ZGRF1: variants seen among roughly 807,000 people sequenced by gnomAD.
The protein encoded by ZGRF1 is zinc finger GRF-type containing 1.
A neutral mutation model predicts 203.5 loss-of-function variants in ZGRF1; 196 were observed. The observed-to-expected ratio is 0.96, with a 90% CI of 0.86 to 1.08. ZGRF1 has a LOEUF of 1.08. ZGRF1 is among the 50% of genes least tolerant of loss of function. ZGRF1 has a pLI of 0.00. For synonymous variants in ZGRF1, 809 were observed against 841.3 expected (o/e 0.96, Z 0.66); for missense variants, 2,326 against 2,416.3 (o/e 0.96, Z 0.78).
rs886330239 is a variant in ZGRF1, at chr4:112,589,776, C to T, written c.3075G>A (p.Thr1025=). The T allele has an allele frequency of 8.7e-6, 14 of 1,613,528 alleles. No homozygotes were observed. The highest frequency in any genetic ancestry group is 4.4e-5 in the South Asian group (4 of 91,056). The change falls in exon 11 of 28, where the codon ACG becomes ACA. Residue 1025 remains threonine (T), a synonymous_variant. Coordinates refer to ENST00000505019, the MANE Select transcript of ZGRF1 (RefSeq NM_018392.5). ...DEDFMVEFSE[T]SLKARTLPDD... ...CAGGTAAAGTTCTTGCTTTCAGGGA[C>T]GTCTCAGAGAATTCTACCATGAAGT...
At position 112,586,488 on chromosome 4, in the gene ZGRF1, C is replaced by T; in HGVS notation, c.3873G>A (p.Gln1291=). 1 of 1,612,778 alleles carries T rather than the reference C, an allele frequency of 6.2e-7. No individual in the cohort carries two copies. The highest frequency in any genetic ancestry group is 1.3e-5 in the African/African-American group (1 of 74,980). The change falls in exon 13 of 28, where the codon CAG becomes CAA. Residue 1291 remains glutamine, a synonymous_variant. Transcript: ENST00000505019. ...AAGTCTGCTTATAATGAGCAGGAGA[C>T]TGAAAAACAGCTGGTATGTGAATTT... ...QRQIHIPAVF[Q]SPAHYKQTFT... is the part of the protein sequence containing the mutation.
chr4:112,593,126 G>C (rs1341314061), intron 10 of ZGRF1, among the ~76,000 whole-genome samples: 1 of 152,162 alleles, frequency 6.6e-6, no homozygotes, highest in Non-Finnish European at 1.5e-5. Flanking sequence ...AAGCCATCTA[G>C]CCTGTGGTAT....
intron 2 of ZGRF1, 62 bp downstream of exon 2, chr4:112,633,094 C>T (rs2047465777): frequency 1.4e-6 from 2 of 1,468,026 alleles, no homozygotes; most frequent in Admixed American, 1.8e-5. Context: ...TGTGAAACGC[C>T]TTTAAAAGAA....
intron 24 of ZGRF1, among the ~76,000 whole-genome samples, chr4:112,545,497 T>C (rs1738561016): frequency 6.6e-6 from 1 of 152,228 alleles, no homozygotes; most frequent in Non-Finnish European, 1.5e-5. Context: ...TTGGTGAGAA[T>C]GTGGAGAAAT....
intron 8 of ZGRF1, among the ~76,000 whole-genome samples, chr4:112,606,522 G>A (rs1250091067): frequency 1.3e-5 from 2 of 152,098 alleles, no homozygotes. Context: ...TTAGCCTGGC[G>A]TGGTGGCACA....
chr4:112,573,279 T>C (rs1231748676), intron 16 of ZGRF1, among the ~76,000 whole-genome samples: 1 of 152,012 alleles, frequency 6.6e-6, no homozygotes, highest in Non-Finnish European at 1.5e-5. Context: ...GAGACCACTA[T>C]TCTAAGTGAA....
intron 14 of ZGRF1, among the ~76,000 whole-genome samples, chr4:112,585,094 T>C (rs188913644): frequency 8.3e-4 from 126 of 152,272 alleles, no homozygotes; most frequent in African/African-American, 2.9e-3. Context: ...CCTCCTATTT[T>C]ATCAATTACA....
chr4:112,605,152 C>G (rs1282316822), intron 9 of ZGRF1, among the ~76,000 whole-genome samples: 1 of 151,412 alleles, frequency 6.6e-6, no homozygotes, highest in East Asian at 1.9e-4. Flanking sequence ...GAAACAGGTA[C>G]ATTACCTCCC....
chr4:112,619,850 A>G, intron 5 of ZGRF1, 152 bp downstream of exon 5: 1 of 899,318 alleles, frequency 1.1e-6, no homozygotes, highest in Non-Finnish European at 1.6e-6. Context: ...ATTTGTAATA[A>G]GATTTTTCAA....
At chr4:112,545,005 G>T (rs1738473002) in intron 24 of ZGRF1, among the ~76,000 whole-genome samples, 1 of 152,016 alleles carries the variant, frequency 6.6e-6, no homozygotes, top group South Asian at 2.1e-4. Context: ...ATGGATCAAA[G>T]ACCTCAACAT....
chr4:112,560,170 G>A lies in ZGRF1; in HGVS notation c.4960+563C>T, dbSNP rs563928258. ...GAAAATGTGCTACAGAGGCAACAGA[G>A]TCCAGATAGAACTATTTACTGTAAG... is the stretch of plus-strand genomic sequence containing the variant. On this transcript the variant is annotated intron_variant, in intron 19 of 27. Transcript: ENST00000505019. Among the ~76,000 whole-genome samples the A allele has an allele frequency of 4.6e-5, 7 of 152,314 alleles. No individual in the cohort carries two copies. The East Asian group carries it at 1.4e-3, about 29-fold the overall frequency.
At chr4:112,560,044 G>A (rs948450130) in intron 19 of ZGRF1, among the ~76,000 whole-genome samples, 2 of 152,104 alleles carry the variant, frequency 1.3e-5, no homozygotes, top group Non-Finnish European at 2.9e-5. Flanking sequence ...AAAAATCTAC[G>A]ATCACTCTCA....
At chr4:112,592,007 T>C (rs1323855389) in intron 10 of ZGRF1, among the ~76,000 whole-genome samples, 1 of 152,140 alleles carries the variant, frequency 6.6e-6, no homozygotes, top group African/African-American at 2.4e-5. Context: ...CAAGAAATAT[T>C]TGTCAAATGA....
rs1013093793 is a variant in ZGRF1, at chr4:112,605,975, G to C, written c.2802+33C>G. ...TTAAACAGAAAAGAAAATGTAGTTG[G>C]TTAAATAAATCGATGTTCTTCACAA... On this transcript the variant is annotated intron_variant, in intron 9 of 27. Transcript: ENST00000505019. The C allele has an allele frequency of 3.0e-6, 4 of 1,330,094 alleles. No homozygotes were observed. The African/African-American group carries it at 4.4e-5, about 15-fold the overall frequency. The allele number at this position is 1,330,094 out of a possible 1,614,324, so 82.4% of individuals were successfully genotyped here.
chr4:112,602,526 T>C (rs572469404), intron 10 of ZGRF1, among the ~76,000 whole-genome samples: 2 of 152,226 alleles, frequency 1.3e-5, no homozygotes, highest in African/African-American at 2.4e-5. Context: ...ATGATGCTAC[T>C]CCTAGGTAAT....
Position 112,617,696 on chromosome 4 carries a change from T to C in ZGRF1, c.2346A>G (p.Ile782Met). Residue 782 changes from isoleucine (I) to methionine (M), a missense_variant, in exon 6 of 28, where the codon ATA (isoleucine) becomes ATG (methionine). Transcript: ENST00000505019. ...HLISKDTEAH[I>M]SEPEDLGKIR... Reference sequence around the variant, plus strand: ...TCTTTCCCAAATCTTCAGGTTCAGATATATGTGCTTCTGTGTCTTTGGAAA... The same window carrying C: ...TCTTTCCCAAATCTTCAGGTTCAGACATATGTGCTTCTGTGTCTTTGGAAA... 1 of 1,614,094 alleles carries C rather than the reference T, an allele frequency of 6.2e-7. No individual in the cohort carries two copies. Among genetic ancestry groups the C allele is most frequent in the Non-Finnish European group, 8.5e-7 (1 of 1,179,986 alleles).
At chr4:112,603,431 A>G (rs1483690239) in intron 10 of ZGRF1, 93 bp downstream of exon 10, 1 of 803,868 alleles carries the variant, frequency 1.2e-6, no homozygotes, top group Non-Finnish European at 1.9e-6. Flanking sequence ...TTTTTAACTT[A>G]TAACTGTATA....
intron 16 of ZGRF1, among the ~76,000 whole-genome samples, chr4:112,567,475 A>G (rs948654893): frequency 3.9e-5 from 6 of 152,232 alleles, no homozygotes; most frequent in African/African-American, 1.4e-4. Context: ...GATGGTAACA[A>G]TGTAAAATAA....
intron 16 of ZGRF1, among the ~76,000 whole-genome samples, chr4:112,567,158 T>C (rs1743263569): frequency 6.6e-6 from 1 of 152,148 alleles, no homozygotes; most frequent in South Asian, 2.1e-4. Context: ...GTTCTGCAGG[T>C]AGTTGTGGTT....
Sources: allele counts gnomAD v4.1 joint callset (sites outside exome capture counted in the v4.1 genomes callset), GRCh38; gene constraint gnomAD v4.1.1; transcripts MANE v1.5; gene names NCBI Gene and HGNC (gene_info 2026-07-23, HGNC 2026-07-21).